Variants in NCOA7 observed in about 807,000 individuals in gnomAD.
NCOA7 encodes the protein nuclear receptor coactivator 7.
In NCOA7, 45 loss-of-function variants were observed where a neutral mutation model predicts 104.3. The ratio of observed to expected loss-of-function variants is 0.43; its 90% CI spans 0.34 to 0.55. The LOEUF is 0.55. Ranked by LOEUF, NCOA7 falls within the 20% of genes least tolerant of loss-of-function variation. The pLI is 0.02. For missense variants in NCOA7, 1,041 were observed against 1,119.7 expected (o/e 0.93, Z 1.00); for synonymous variants, 398 against 402.3 (o/e 0.99, Z 0.13).
intron 10 of NCOA7, among the ~76,000 whole-genome samples, chr6:125,909,356 T>C (rs533242633): frequency 6.6e-5 from 10 of 152,206 alleles, no homozygotes; most frequent in Non-Finnish European, 1.3e-4. Flanking sequence ...GGAGGCTTCA[T>C]GAAGGCAGGG....
intron 11 of NCOA7, among the ~76,000 whole-genome samples, chr6:125,918,030 A>C (rs570451518): frequency 1.3e-5 from 2 of 152,166 alleles, no homozygotes; most frequent in African/African-American, 4.8e-5. Context: ...GTTAATTTAC[A>C]TTGTCCAGGT....
intron 13 of NCOA7, among the ~76,000 whole-genome samples, chr6:125,924,948 C>G (rs1290900507): frequency 6.6e-6 from 1 of 152,104 alleles, no homozygotes; most frequent in Non-Finnish European, 1.5e-5. Flanking sequence ...CAAGTGTGGC[C>G]TAGAGGTAGG....
At chr6:125,800,999 C>T (rs757588477) in intron 1 of NCOA7, among the ~76,000 whole-genome samples, 5 of 152,208 alleles carry the variant, frequency 3.3e-5, no homozygotes, top group Non-Finnish European at 5.9e-5. Flanking sequence ...CGTGCCACTG[C>T]ATTCCAGCCT....
chr6:125,814,267 G>A (rs142661913), intron 1 of NCOA7, among the ~76,000 whole-genome samples: 22 of 152,254 alleles, frequency 1.4e-4, no homozygotes, highest in Non-Finnish European at 2.4e-4. Context: ...CGATTCTCGC[G>A]CCTCAACCTC....
At position 125,930,331 on chromosome 6, in the gene NCOA7, TG is replaced by T. The variant is rs1357786629; in HGVS notation, c.*1563del. The T allele has an allele frequency of 6.6e-6, 1 of 152,558 alleles. No homozygotes were observed. Among genetic ancestry groups the T allele is most frequent in the Non-Finnish European group, 1.5e-5 (1 of 68,038 alleles). The allele number at this position is 152,558 out of a possible 1,614,324, so 9.5% of individuals were successfully genotyped here. A position where few individuals can be genotyped will look rare whatever the true frequency, so the allele number is the denominator to read the frequency against. Reference sequence around the variant, plus strand: ...AAGATCGTGCCACTGCACTCTATCCTGGGTAACAGCGAGACTCTGTCTTAAA... The same window carrying T: ...AAGATCGTGCCACTGCACTCTATCCTGGTAACAGCGAGACTCTGTCTTAAA... On this transcript the variant is annotated 3_prime_UTR_variant, in exon 16 of 16. Transcript: ENST00000392477.
Position 125,916,328 on chromosome 6 carries a change from G to A in NCOA7, c.2244+848G>A, listed in dbSNP as rs182137159. ...TGAGCCAATTAAACCTCTTTTGTTT[G>A]TAAATTACTCAGTTTCAGGTAGCAT... On this transcript the variant is annotated intron_variant, in intron 11 of 15. Transcript: ENST00000392477. Among the ~76,000 whole-genome samples the A allele has an allele frequency of 1.1e-4, 17 of 152,330 alleles. No individual in the cohort carries two copies. The East Asian group carries it at 3.1e-3, about 28-fold the overall frequency.
intron 1 of NCOA7, among the ~76,000 whole-genome samples, chr6:125,814,770 T>G (rs138321219): frequency 6.6e-6 from 1 of 152,304 alleles, no homozygotes; most frequent in African/African-American, 2.4e-5. Context: ...CTTTGTACTT[T>G]CATTTCCACA....
intron 2 of NCOA7, among the ~76,000 whole-genome samples, chr6:125,844,241 A>G (rs1398615049): frequency 3.9e-5 from 6 of 152,254 alleles, no homozygotes; most frequent in Non-Finnish European, 8.8e-5. Flanking sequence ...TCTGAAGGAT[A>G]TATTGCTAGT....
chr6:125,845,729 T>G (rs963657764), intron 2 of NCOA7, among the ~76,000 whole-genome samples: 1 of 152,146 alleles, frequency 6.6e-6, no homozygotes, highest in Non-Finnish European at 1.5e-5. Context: ...ATCGCGCCAC[T>G]GCCCTCCAGC....
intron 13 of NCOA7, among the ~76,000 whole-genome samples, chr6:125,926,679 C>T (rs1238523010): frequency 6.6e-6 from 1 of 152,084 alleles, no homozygotes; most frequent in Admixed American, 6.6e-5. Context: ...CTTAGTGTTA[C>T]AAGTATAGCC....
In NCOA7 at chr6:125,915,324, G is replaced by C. The variant is rs1285907603; in HGVS notation, c.2097-9G>C. On this transcript the variant is annotated splice_polypyrimidine_tract_variant and intron_variant, in intron 10 of 15. Coordinates refer to ENST00000392477, the MANE Select transcript of NCOA7 (RefSeq NM_181782.5). ...TGGTGTTAACATCTGTCACAAACGTGTTTTTCAGGGTGGATCATTTGTACA... is the reference window on the plus strand; with the variant it reads ...TGGTGTTAACATCTGTCACAAACGTCTTTTTCAGGGTGGATCATTTGTACA... 1 of 1,613,334 alleles carries C rather than the reference G, an allele frequency of 6.2e-7. No homozygotes were observed. The highest frequency in any genetic ancestry group is 1.7e-5 in the Admixed American group (1 of 60,000).
Position 125,915,461 on chromosome 6 carries a change from C to T in NCOA7, c.2225C>T (p.Pro742Leu). ...LNMIDNFFSE[P>L]TTKSWEIITV... ...ATGATTGACAACTTCTTCAGTGAGCCAACAACCAAGAGCTGGGAGGTGAGC... is the reference window on the plus strand; with the variant it reads ...ATGATTGACAACTTCTTCAGTGAGCTAACAACCAAGAGCTGGGAGGTGAGC... Residue 742 changes from proline (P) to leucine (L), a missense_variant, in exon 11 of 16, where the codon CCA becomes CTA. Around this residue, in one of 2 missense-constraint regions of NCOA7, gnomAD observed 914 missense variants for 942.7 expected, o/e 0.97. Transcript: ENST00000392477. 6.2e-7 allele frequency: 1 copy of T among 1,613,786 alleles called. No individual in the cohort carries two copies. Among genetic ancestry groups the T allele is most frequent in the Non-Finnish European group, 8.5e-7 (1 of 1,179,758 alleles).
chr6:125,819,504 A>G (rs1042102563), intron 2 of NCOA7, among the ~76,000 whole-genome samples: 1 of 152,102 alleles, frequency 6.6e-6, no homozygotes, highest in East Asian at 1.9e-4. Flanking sequence ...CAGTTGTTAA[A>G]TCTAGATTGA....
intron 3 of NCOA7, among the ~76,000 whole-genome samples, chr6:125,867,102 T>G (rs1262760313): frequency 6.6e-6 from 1 of 152,224 alleles, no homozygotes; most frequent in Admixed American, 6.5e-5. Context: ...CTTGTTATAT[T>G]TATTCCTAGA....
At chr6:125,893,634 C>T (rs966223098) in intron 10 of NCOA7, among the ~76,000 whole-genome samples, 5 of 152,050 alleles carry the variant, frequency 3.3e-5, no homozygotes, top group African/African-American at 9.7e-5. Context: ...AGGACAGCAA[C>T]GATGGAAACC....
At chr6:125,925,861 A>G (rs956832050) in intron 13 of NCOA7, among the ~76,000 whole-genome samples, 3 of 152,246 alleles carry the variant, frequency 2.0e-5, no homozygotes, top group African/African-American at 7.2e-5. Flanking sequence ...ACACTATTAT[A>G]TAAAAGTTGT....
In NCOA7 at chr6:125,915,591, A is replaced by G. The variant is rs998088159; in HGVS notation, c.2244+111A>G. On this transcript the variant is annotated intron_variant, in intron 11 of 15. Coordinates refer to ENST00000392477, the MANE Select transcript of NCOA7 (RefSeq NM_181782.5). ...AAGAAACTAGAGTCCCTGTGCACCTATGAAATTACAGAGGAAAATAACTTT... is the reference window on the plus strand; with the variant it reads ...AAGAAACTAGAGTCCCTGTGCACCTGTGAAATTACAGAGGAAAATAACTTT... The G allele has an allele frequency of 1.8e-5, 23 of 1,305,054 alleles. No individual in the cohort carries two copies. In the East Asian group the frequency reaches 4.5e-4, roughly 25 times the overall value. The allele number at this position is 1,305,054 out of a possible 1,614,324, so 80.8% of individuals were successfully genotyped here.
At chr6:125,875,124 C>T (rs779715212) in intron 4 of NCOA7, 156 bp downstream of exon 4, 15 of 523,602 alleles carry the variant, frequency 2.9e-5, no homozygotes, top group Admixed American at 1.3e-4. Context: ...TCTTTTTCCT[C>T]CATATTTTCT....
intron 13 of NCOA7, among the ~76,000 whole-genome samples, chr6:125,925,912 A>T (rs1303401792): frequency 6.6e-6 from 1 of 152,182 alleles, no homozygotes; most frequent in East Asian, 1.9e-4. Context: ...AAAAAAAGAC[A>T]TTTTCTCATA....
Sources: allele counts gnomAD v4.1 joint callset (sites outside exome capture counted in the v4.1 genomes callset), GRCh38; gene constraint gnomAD v4.1.1; regional missense constraint gnomAD v4.1.1; transcripts MANE v1.5; gene names NCBI Gene and HGNC (gene_info 2026-07-23, HGNC 2026-07-21).